RNF111: variants seen among roughly 807,000 people sequenced by gnomAD.
RNF111 encodes the protein ring finger protein 111.
A neutral mutation model predicts 95.1 loss-of-function variants in RNF111; 17 were observed. The ratio of observed to expected loss-of-function variants is 0.18; its 90% confidence interval spans 0.12 to 0.27. The LOEUF (loss-of-function observed/expected upper bound fraction) is 0.27. RNF111 is among the 10% of genes least tolerant of loss of function. RNF111 has a pLI of 1.00. For synonymous variants in RNF111, 440 were observed against 414.8 expected, an observed-to-expected ratio of 1.06 and a Z score of -0.74; for missense variants, 1,189 against 1,210.4, an observed-to-expected ratio of 0.98 and a Z score of 0.26.
chr15:59,004,381 G>A (rs967064730), intron 1 of RNF111, among the ~76,000 whole-genome samples: 1 of 152,060 alleles, frequency 6.6e-6, no homozygotes, highest in African/African-American at 2.4e-5. Context: ...GAGACTTAAC[G>A]TGTACAAGAA....
chr15:59,053,717 T>C (rs1192565713), intron 3 of RNF111, among the ~76,000 whole-genome samples: 6 of 152,178 alleles, frequency 3.9e-5, no homozygotes, highest in Admixed American at 6.5e-5. Flanking sequence ...TTATGAGCTG[T>C]AAGGACTACT....
chr15:59,016,702 G>A (rs188044589), intron 1 of RNF111, among the ~76,000 whole-genome samples: 2 of 152,190 alleles, frequency 1.3e-5, no homozygotes, highest in Non-Finnish European at 2.9e-5. Flanking sequence ...AAAGAGTTCT[G>A]TATAGCAGGG....
intron 7 of RNF111, among the ~76,000 whole-genome samples, chr15:59,079,822 A>T (rs2140161256): frequency 6.6e-6 from 1 of 152,306 alleles, no homozygotes; most frequent in East Asian, 1.9e-4. Context: ...TTGATGGGAA[A>T]CAAATAGGTC....
intron 1 of RNF111, among the ~76,000 whole-genome samples, chr15:59,025,817 G>C (rs1321959919): frequency 6.6e-6 from 1 of 151,702 alleles, no homozygotes; most frequent in Non-Finnish European, 1.5e-5. Context: ...CGCAACCGCT[G>C]CCTTGCGGAT....
intron 13 of RNF111, among the ~76,000 whole-genome samples, chr15:59,094,035 C>G (rs1229061977): frequency 6.6e-6 from 1 of 152,032 alleles, no homozygotes; most frequent in African/African-American, 2.4e-5. Flanking sequence ...ACTTTTATTC[C>G]ACTGTTAACA....
intron 1 of RNF111, among the ~76,000 whole-genome samples, chr15:59,014,050 C>T (rs2039955293): frequency 6.6e-6 from 1 of 151,822 alleles, no homozygotes; most frequent in African/African-American, 2.4e-5. Context: ...CATGGCCTCC[C>T]AACATGCTAG....
intron 7 of RNF111, among the ~76,000 whole-genome samples, chr15:59,077,927 A>G (rs1046191206): frequency 5.3e-5 from 8 of 152,290 alleles, no homozygotes; most frequent in South Asian, 2.1e-4. Flanking sequence ...TCTCTCCCCA[A>G]CTTGCCCGTG....
chr15:59,079,174 G>A (rs2078663072), intron 7 of RNF111, among the ~76,000 whole-genome samples: 2 of 152,124 alleles, frequency 1.3e-5, no homozygotes, highest in Non-Finnish European at 2.9e-5. Context: ...TTAAATAAAT[G>A]GACTCATTCT....
intron 1 of RNF111, among the ~76,000 whole-genome samples, chr15:59,014,842 A>C (rs976290229): frequency 5.3e-4 from 79 of 150,464 alleles, no homozygotes; most frequent in Non-Finnish European, 1.0e-3. Context: ...TGCAGTCCTT[A>C]CCTCCTGGGC....
At chr15:59,058,161 A>G (rs182571677) in intron 4 of RNF111, among the ~76,000 whole-genome samples, 195 bp from the exon 5 acceptor site, 1 of 152,348 alleles carries the variant, frequency 6.6e-6, no homozygotes, top group Admixed American at 6.5e-5. Flanking sequence ...TTTAAAATGC[A>G]GTAATATTTT....
At chr15:59,027,851 T>TC (rs1280849552) in intron 1 of RNF111, among the ~76,000 whole-genome samples, 214 of 148,592 alleles carry the variant, frequency 1.4e-3, no homozygotes, top group African/African-American at 4.6e-3. Context: ...TTTTTTTTTT[T>TC]CCCCACTCTT....
At chr15:58,990,341 T>A (rs2141343476) in intron 1 of RNF111, among the ~76,000 whole-genome samples, 1 of 152,320 alleles carries the variant, frequency 6.6e-6, no homozygotes, top group East Asian at 1.9e-4. Context: ...AATTCCCTCA[T>A]GAAATGTGTA....
chr15:59,031,094 T>G lies in RNF111; in HGVS notation c.272T>G (p.Val91Gly). Residue 91 changes from valine (V) to glycine (G), a missense_variant, in exon 2 of 14, where the codon GTG (valine) becomes GGG (glycine). By Grantham distance (109) the Val-to-Gly change is moderately radical. Coordinates refer to ENST00000348370, the MANE Select transcript of RNF111 (RefSeq NM_017610.8). ...CAAGAACAAGAAAAAAGTCTCGTTG[T>G]GAGGAAAAAACGCAAAAGCCAGCAG... Reference protein sequence around the residue: ...NQQEQEKSLVVRKKRKSQQAG... With the variant: ...NQQEQEKSLVGRKKRKSQQAG... 1 of 1,614,180 alleles carries G rather than the reference T, an allele frequency of 6.2e-7. No homozygotes were observed.
intron 1 of RNF111, among the ~76,000 whole-genome samples, chr15:59,027,917 C>G (rs2040703725): frequency 6.6e-6 from 1 of 150,954 alleles, no homozygotes; most frequent in African/African-American, 2.4e-5. Context: ...CCTCTGCCTC[C>G]CTGGTTCAAG....
At chr15:59,089,849 T>G (rs1482455259) in intron 11 of RNF111, 90 bp downstream of exon 11, 71 of 797,230 alleles carry the variant, frequency 8.9e-5, no homozygotes, top group Non-Finnish European at 1.3e-4. Context: ...TGTGTAGGAC[T>G]GCTACAGTGG....
At position 59,076,112 on chromosome 15, in the gene RNF111, A is replaced by G. The variant is rs1219246926; in HGVS notation, c.1845A>G (p.Leu615=). 6.2e-7 allele frequency: 1 copy of G among 1,614,138 alleles called. No homozygotes were observed. The highest frequency in any genetic ancestry group is 1.3e-5 in the African/African-American group (1 of 75,034). ...CTGCTGCTGCCCCAAGTCAACCTTT[A>G]TCATCAATAGATGGCTATGGATCAA... ...QAAAAAPSQP[L]SSIDGYGSSM... is the part of the protein sequence containing the mutation. Residue 615 remains leucine (L), a synonymous_variant, in exon 7 of 14, where the codon TTA becomes TTG. Transcript: ENST00000348370.
In RNF111 at chr15:59,058,567, G is replaced by C. The variant is rs768473439; in HGVS notation, c.1366+17G>C. 3.7e-6 allele frequency: 6 copies of C among 1,607,276 alleles called. No homozygotes were observed. On this transcript the variant is annotated intron_variant, in intron 5 of 13. Coordinates refer to ENST00000348370, the MANE Select transcript of RNF111 (RefSeq NM_017610.8). The stretch of plus-strand genomic sequence containing the variant: ...CTATAGGAGGTATGTAAAAAAGTGG[G>C]GGAGGGGAGACTTTTTGTCATTACT...
chr15:59,086,623 G>A (rs182670925), intron 10 of RNF111, among the ~76,000 whole-genome samples: 52 of 152,340 alleles, frequency 3.4e-4, no homozygotes, highest in African/African-American at 1.2e-3. Flanking sequence ...AGCTTTCAGA[G>A]AAGCTTTCTG....
chr15:59,052,199 T>C (rs1390983693), intron 2 of RNF111, 106 bp from the exon 3 acceptor site: 2 of 1,035,972 alleles, frequency 1.9e-6, no homozygotes, highest in African/African-American at 3.3e-5. Context: ...ATAAGATTTT[T>C]ATTTTTGCAA....
Sources: gnomAD v4.1 joint callset for allele counts (sites outside exome capture counted in the v4.1 genomes callset) on GRCh38, gnomAD v4.1.1 for gene constraint, MANE v1.5 for transcripts, NCBI Gene and HGNC (gene_info 2026-07-23, HGNC 2026-07-21) for gene names.